UBE2W: variants seen among roughly 807,000 people sequenced by gnomAD.
UBE2W encodes the protein ubiquitin-conjugating enzyme E2 W.
A neutral mutation model predicts 27.2 loss-of-function variants in UBE2W; 18 were observed. The observed-to-expected ratio is 0.66, with a 90% CI of 0.46 to 0.98. The LOEUF (loss-of-function observed/expected upper bound fraction) is 0.98, where lower values mean the gene tolerates loss of function less well. Among genes scored for constraint, UBE2W ranks in the 50% least tolerant of loss-of-function variants. The pLI, the probability that UBE2W is intolerant of heterozygous loss-of-function variation, is 0.00. For synonymous variants in UBE2W, 53 were observed against 57.2 expected, an observed-to-expected ratio of 0.93 and a Z score of 0.33; for missense variants, 90 against 180.2, an observed-to-expected ratio of 0.50 and a Z score of 2.87.
chr8:73,878,835 C>T lies in UBE2W; in HGVS notation c.-13G>A. The T allele has an allele frequency of 6.5e-7, 1 of 1,549,724 alleles. No individual in the cohort carries two copies. Among genetic ancestry groups the T allele is most frequent in the Non-Finnish European group, 8.7e-7 (1 of 1,145,942 alleles). On this transcript the variant is annotated 5_prime_UTR_variant, in exon 1 of 6. Coordinates refer to ENST00000602593, the MANE Select transcript of UBE2W (RefSeq NM_018299.6). The stretch of plus-strand genomic sequence containing the variant: ...GCATTGACGCCATGATGGAACCATC[C>T]CCCCAAGACCGGCGAGGCCAGAGAC...
Position 73,791,682 on chromosome 8 carries a change from T to C in UBE2W, c.*2420A>G, listed in dbSNP as rs1808208125. 1.0e-6 allele frequency: 1 copy of C among 985,248 alleles called. No homozygotes were observed. Among genetic ancestry groups the C allele is most frequent in the African/African-American group, 1.7e-5 (1 of 57,368 alleles). 61.0% of individuals were successfully genotyped at this position (985,248 alleles called of 1,614,324 possible). ...AATTAAATCTAAGTGCAAGGAGTTT[T>C]CAATGATTCCTAAATTCAAGAGAGT... On this transcript the variant is annotated 3_prime_UTR_variant, in exon 6 of 6. Coordinates refer to ENST00000602593, the MANE Select transcript of UBE2W (RefSeq NM_018299.6).
intron 1 of UBE2W, among the ~76,000 whole-genome samples, chr8:73,871,198 C>A (rs1811996286): frequency 6.6e-6 from 1 of 152,100 alleles, no homozygotes; most frequent in African/African-American, 2.4e-5. Flanking sequence ...TTCAGAAAAT[C>A]AGTTGAATTC....
At chr8:73,847,596 T>C (rs188471725) in intron 1 of UBE2W, among the ~76,000 whole-genome samples, 5 of 151,850 alleles carry the variant, frequency 3.3e-5, no homozygotes, top group Admixed American at 3.3e-4. Flanking sequence ...ATGTCCATCA[T>C]CAACGGTAAA....
chr8:73,807,082 G>T (rs1312980350), intron 4 of UBE2W, among the ~76,000 whole-genome samples: 1 of 151,968 alleles, frequency 6.6e-6, no homozygotes, highest in Non-Finnish European at 1.5e-5. Context: ...ACAAAGACTT[G>T]GAAACATCAA....
chr8:73,815,304 T>A (rs1217733807), intron 3 of UBE2W, among the ~76,000 whole-genome samples: 1 of 151,880 alleles, frequency 6.6e-6, no homozygotes, highest in Non-Finnish European at 1.5e-5. Flanking sequence ...GAGCCAGGAG[T>A]CTGAGGTTGC....
Position 73,877,746 on chromosome 8 carries a change from T to C in UBE2W, c.15+1062A>G, listed in dbSNP as rs1812292739. 3.3e-5 allele frequency among the ~76,000 whole-genome samples: 5 copies of C among 152,332 alleles called. No individual in the cohort carries two copies. The South Asian group carries it at 6.2e-4, about 19-fold the overall frequency. ...GTTCTACTTTCTCTTCCAATGCCTT[T>C]GATACCGCTAGTCTTCACCTGTGAA... On this transcript the variant is annotated intron_variant, in intron 1 of 5. Coordinates refer to ENST00000602593, the MANE Select transcript of UBE2W (RefSeq NM_018299.6).
chr8:73,858,987 T>C (rs866021674), intron 1 of UBE2W, among the ~76,000 whole-genome samples: 14,079 of 137,976 alleles, frequency 0.1, 814 homozygotes, highest in Middle Eastern at 0.17. Flanking sequence ...TGCGTGTGTG[T>C]GTGTGTGTGT....
At chr8:73,822,554 T>C (rs1218101763) in intron 3 of UBE2W, among the ~76,000 whole-genome samples, 1 of 136,406 alleles carries the variant, frequency 7.3e-6, no homozygotes, top group East Asian at 2.1e-4. Flanking sequence ...TTGGGTCCCC[T>C]CCCTTTGTAT....
At position 73,787,606 on chromosome 8, in the gene UBE2W, T is replaced by A. The variant is rs17315351; in HGVS notation, c.*6496A>T. The A allele has an allele frequency of 2.5e-5, 25 of 985,220 alleles. No homozygotes were observed. The highest frequency in any genetic ancestry group is 3.0e-5 in the Non-Finnish European group (25 of 829,904). The allele number at this position is 985,220 out of a possible 1,614,324, so 61.0% of individuals were successfully genotyped here. A position where few individuals can be genotyped will look rare whatever the true frequency, so the allele number is the denominator to read the frequency against. ...CAAGCAGATCCCCTGCAGAAAAGCT[T>A]AGAATTACCAGCAGAGCATATTTAA... On this transcript the variant is annotated 3_prime_UTR_variant, in exon 6 of 6. Transcript: ENST00000602593.
intron 1 of UBE2W, chr8:73,870,262 C>A (rs369522279): frequency 1.9e-6 from 3 of 1,585,820 alleles, no homozygotes; most frequent in South Asian, 1.2e-5. Flanking sequence ...AAAAAACACA[C>A]ACTTACTGGA....
At chr8:73,868,313 T>A (rs1811862215) in intron 1 of UBE2W, among the ~76,000 whole-genome samples, 1 of 152,230 alleles carries the variant, frequency 6.6e-6, no homozygotes. Flanking sequence ...GGAGAGCTTT[T>A]GAATTGGTGA....
intron 1 of UBE2W, among the ~76,000 whole-genome samples, chr8:73,850,745 A>C (rs1811041789): frequency 6.6e-6 from 1 of 151,030 alleles, no homozygotes; most frequent in Non-Finnish European, 1.5e-5. Context: ...AAAAAAAAAA[A>C]AAAAACAGGA....
At chr8:73,873,406 C>T (rs924103911) in intron 1 of UBE2W, among the ~76,000 whole-genome samples, 1 of 152,118 alleles carries the variant, frequency 6.6e-6, no homozygotes, top group African/African-American at 2.4e-5. Flanking sequence ...CTGTAATAAT[C>T]CCAGCACTTT....
At chr8:73,861,789 C>T (rs1456773779) in intron 1 of UBE2W, among the ~76,000 whole-genome samples, 1 of 152,148 alleles carries the variant, frequency 6.6e-6, no homozygotes, top group African/African-American at 2.4e-5. Context: ...TTCACTAAAA[C>T]TGCTCCACAA....
chr8:73,819,366 G>A (rs554779133), intron 3 of UBE2W, among the ~76,000 whole-genome samples: 2 of 152,324 alleles, frequency 1.3e-5, no homozygotes, highest in East Asian at 3.9e-4. Flanking sequence ...ACCCAGCACA[G>A]TGTCTGTCCC....
Position 73,793,265 on chromosome 8 carries a change from C to A in UBE2W, c.*837G>T. ...AATCTTTAATGTACAAATAACAAGCCCAAATTATGGACTGCAGCAATTTAA... is the reference window on the plus strand; with the variant it reads ...AATCTTTAATGTACAAATAACAAGCACAAATTATGGACTGCAGCAATTTAA... On this transcript the variant is annotated 3_prime_UTR_variant, in exon 6 of 6. Coordinates refer to ENST00000602593, the MANE Select transcript of UBE2W (RefSeq NM_018299.6). 1.0e-6 allele frequency: 1 copy of A among 985,660 alleles called. No homozygotes were observed. Among genetic ancestry groups the A allele is most frequent in the Non-Finnish European group, 1.2e-6 (1 of 829,876 alleles). The allele number at this position is 985,660 out of a possible 1,614,324, so 61.1% of individuals were successfully genotyped here.
intron 1 of UBE2W, among the ~76,000 whole-genome samples, chr8:73,861,009 T>C (rs1247602078): frequency 6.6e-6 from 1 of 152,072 alleles, no homozygotes; most frequent in Non-Finnish European, 1.5e-5. Context: ...TCCTAGCTAC[T>C]TGGAAGACTG....
intron 1 of UBE2W, among the ~76,000 whole-genome samples, chr8:73,878,129 T>C (rs966958112): frequency 6.6e-6 from 1 of 152,066 alleles, no homozygotes; most frequent in Non-Finnish European, 1.5e-5. Flanking sequence ...AGATCGCCCA[T>C]CAGGCGGTGG....
intron 4 of UBE2W, 23 bp from the exon 5 acceptor site, chr8:73,805,749 T>C: frequency 2.1e-6 from 3 of 1,433,724 alleles, no homozygotes; most frequent in South Asian, 1.5e-5. Flanking sequence ...ATAATTTAAA[T>C]AGGTTGAAAA....
Sources: allele counts gnomAD v4.1 joint callset (sites outside exome capture counted in the v4.1 genomes callset), GRCh38; gene constraint gnomAD v4.1.1; transcripts MANE v1.5; gene names NCBI Gene and HGNC (gene_info 2026-07-23, HGNC 2026-07-21).